SNX25: variants seen among roughly 807,000 people sequenced by gnomAD.
SNX25 encodes the protein sorting nexin 25.
A neutral mutation model predicts 113.7 loss-of-function variants in SNX25; 62 were observed. That is an observed-to-expected ratio of 0.55 (90% CI 0.44 to 0.67). The LOEUF is 0.67. Ranked by LOEUF, SNX25 falls within the 30% of genes least tolerant of loss-of-function variation. SNX25 has a pLI of 0.00. For synonymous variants in SNX25, 421 were observed against 436.2 expected (o/e 0.97, Z 0.43); for missense variants, 1,014 against 1,161.0 (o/e 0.87, Z 1.84).
At chr4:185,310,928 TAA>T in intron 7 of SNX25, 112 bp downstream of exon 7, 1 of 977,204 alleles carries the variant, frequency 1.0e-6, no homozygotes, top group South Asian at 1.9e-5. Context: ...ATGTGTGCCA[TAA>T]CTACACACTG....
At chr4:185,265,859 CT>C (rs2126544534) in intron 4 of SNX25, among the ~76,000 whole-genome samples, 1 of 152,120 alleles carries the variant, frequency 6.6e-6, no homozygotes, top group East Asian at 1.9e-4. Flanking sequence ...TCATTATAAT[CT>C]TATGGGGGCC....
At chr4:185,247,408 C>G in intron 2 of SNX25, 30 bp downstream of exon 2, 1 of 1,371,676 alleles carries the variant, frequency 7.3e-7, no homozygotes, top group Non-Finnish European at 1.0e-6. Context: ...ATATAATTAC[C>G]ATGTAAAGCA....
intron 13 of SNX25, among the ~76,000 whole-genome samples, chr4:185,350,142 C>T (rs937781926): frequency 5.3e-5 from 8 of 152,198 alleles, no homozygotes; most frequent in East Asian, 1.9e-4. Context: ...GATGGTGTTC[C>T]GTGGACCCCT....
At chr4:185,352,136 T>C (rs1257414976) in intron 14 of SNX25, among the ~76,000 whole-genome samples, 3 of 152,210 alleles carry the variant, frequency 2.0e-5, no homozygotes, top group Non-Finnish European at 4.4e-5. Flanking sequence ...GGCAATGGTA[T>C]GTGGATAAGG....
Position 185,353,597 on chromosome 4 carries a change from G to A in SNX25, c.2579G>A (p.Arg860Gln), listed in dbSNP as rs202211031. ...TTGATTGGGGAGATTTTTGAACTTC[G>A]AGGAAGTAAGCTTCTTTGTTATTAT... Reference protein sequence around the residue: ...FMLIGEIFELRGMFKWVRRTL... With the variant: ...FMLIGEIFELQGMFKWVRRTL... Residue 860 changes from arginine to glutamine, a missense_variant, in exon 15 of 19, where the codon CGA becomes CAA. By Grantham distance (43) the Arg-to-Gln change is conservative. Transcript: ENST00000652585. 2.2e-4 allele frequency: 353 copies of A among 1,612,382 alleles called. No individual in the cohort carries two copies. Among genetic ancestry groups the A allele is most frequent in the Non-Finnish European group, 3.2e-5 (38 of 1,178,390 alleles).
At chr4:185,321,892 T>A (rs1280684836) in intron 8 of SNX25, among the ~76,000 whole-genome samples, 1 of 152,210 alleles carries the variant, frequency 6.6e-6, no homozygotes, top group Non-Finnish European at 1.5e-5. Context: ...TAGGTATAAG[T>A]AATCTAGAGA....
At chr4:185,264,292 G>C in intron 3 of SNX25, 146 bp from the exon 4 acceptor site, 4 of 767,294 alleles carry the variant, frequency 5.2e-6, no homozygotes, top group Non-Finnish European at 8.1e-6. Context: ...TTCCAGATGA[G>C]TTGATGGTTG....
intron 15 of SNX25, among the ~76,000 whole-genome samples, chr4:185,354,010 C>G (rs937859319): frequency 2.0e-5 from 3 of 150,628 alleles, no homozygotes; most frequent in African/African-American, 7.4e-5. Context: ...CACCACTGCA[C>G]TCCAGCCTGG....
intron 6 of SNX25, among the ~76,000 whole-genome samples, chr4:185,292,565 A>AT (rs920026580): frequency 1.4e-4 from 21 of 151,052 alleles, no homozygotes; most frequent in African/African-American, 4.6e-4. Flanking sequence ...TACCCAGCTA[A>AT]TTTTTTTTTG....
At chr4:185,319,136 A>T (rs2095099259) in intron 7 of SNX25, among the ~76,000 whole-genome samples, 1 of 132,464 alleles carries the variant, frequency 7.5e-6, no homozygotes, top group Admixed American at 7.9e-5. Flanking sequence ...ATATTTATTC[A>T]TACACATGCT....
chr4:185,299,912 G>T (rs888965797), intron 6 of SNX25, among the ~76,000 whole-genome samples: 13 of 152,280 alleles, frequency 8.5e-5, no homozygotes, highest in African/African-American at 3.1e-4. Context: ...ATTGGAAACT[G>T]CTGTGTATAA....
chr4:185,314,324 C>CAA (rs35324892), intron 7 of SNX25, among the ~76,000 whole-genome samples: 1,785 of 75,324 alleles, frequency 0.024, 71 homozygotes, highest in East Asian at 0.047. Flanking sequence ...CCCCTCTCTA[C>CAA]AAAAAAAAAA....
At chr4:185,360,507 G>C (rs1401445939) in intron 16 of SNX25, among the ~76,000 whole-genome samples, 4 of 152,058 alleles carry the variant, frequency 2.6e-5, no homozygotes, top group Non-Finnish European at 4.4e-5. Context: ...GAAATTTGAG[G>C]TCTTTCTGGC....
Position 185,209,613 on chromosome 4 carries a change from G to C in SNX25, c.-214G>C, listed in dbSNP as rs865850561. 1.8e-5 allele frequency: 8 copies of C among 447,918 alleles called. No homozygotes were observed. Among genetic ancestry groups the C allele is most frequent in the African/African-American group, 1.7e-4 (8 of 47,056 alleles). 27.7% of individuals were successfully genotyped at this position (447,918 alleles called of 1,614,324 possible). ...GCCAGGCTTCAGTCACAACACGGTG[G>C]GGCTCCCTGGCTGCGCCCGGCCCGG... On this transcript the variant is annotated 5_prime_UTR_variant, in exon 1 of 19. Transcript: ENST00000652585. The surrounding 1 kb of genome is among the most constrained non-coding windows in gnomAD (Gnocchi z 5.2).
At chr4:185,346,390 C>T (rs2095286781) in intron 12 of SNX25, 147 bp from the exon 13 acceptor site, 3 of 609,026 alleles carry the variant, frequency 4.9e-6, no homozygotes, top group South Asian at 2.1e-5. Flanking sequence ...CCCAATTCTT[C>T]GAGCCTCATT....
At chr4:185,309,108 C>T (rs1754891697) in intron 6 of SNX25, among the ~76,000 whole-genome samples, 1 of 152,096 alleles carries the variant, frequency 6.6e-6, no homozygotes, top group Non-Finnish European at 1.5e-5. Context: ...ATGGTGTACT[C>T]ACACGGTGCC....
At chr4:185,330,375 T>C (rs1188554606) in intron 9 of SNX25, among the ~76,000 whole-genome samples, 1 of 152,184 alleles carries the variant, frequency 6.6e-6, no homozygotes, top group Non-Finnish European at 1.5e-5. Context: ...GCATTTGTGG[T>C]TTATGATCTT....
At chr4:185,356,000 T>G (rs574911933) in intron 15 of SNX25, among the ~76,000 whole-genome samples, 2 of 152,366 alleles carry the variant, frequency 1.3e-5, no homozygotes, top group Admixed American at 1.3e-4. Context: ...CGGAACATAT[T>G]CGGTTTTGCT....
intron 15 of SNX25, among the ~76,000 whole-genome samples, 166 bp downstream of exon 15, chr4:185,353,768 G>T (rs11724164): frequency 0.12 from 18,636 of 152,136 alleles, 1,255 homozygotes; most frequent in East Asian, 0.18. Context: ...AACCCAGGCC[G>T]GGCACGGTGG....
Sources: allele counts gnomAD v4.1 joint callset (sites outside exome capture counted in the v4.1 genomes callset), GRCh38; gene constraint gnomAD v4.1.1; non-coding constraint Gnocchi (gnomAD v3.1); transcripts MANE v1.5; gene names NCBI Gene and HGNC (gene_info 2026-07-23, HGNC 2026-07-21).